ITGA1: variants seen among roughly 807,000 people sequenced by gnomAD.
ITGA1 encodes the protein integrin alpha-1.
A neutral mutation model predicts 145.9 loss-of-function variants in ITGA1; 85 were observed. That is an observed-to-expected ratio of 0.58 (90% CI 0.49 to 0.70). The LOEUF is 0.70. Among genes scored for constraint, ITGA1 ranks in the 30% least tolerant of loss-of-function variants. ITGA1 has a pLI of 0.00. For missense variants in ITGA1, 1,351 were observed against 1,418.7 expected, an observed-to-expected ratio of 0.95 and a Z score of 0.77; for synonymous variants, 520 against 495.3, an observed-to-expected ratio of 1.05 and a Z score of -0.66.
intron 1 of ITGA1, among the ~76,000 whole-genome samples, chr5:52,836,567 C>G (rs1749165951): frequency 6.6e-6 from 1 of 152,094 alleles, no homozygotes; most frequent in African/African-American, 2.4e-5. Flanking sequence ...TCACCCTTGG[C>G]CAGATTTCCG....
At chr5:52,910,632 GTATA>G (rs1579713145) in intron 14 of ITGA1, among the ~76,000 whole-genome samples, 1 of 146,888 alleles carries the variant, frequency 6.8e-6, no homozygotes, top group African/African-American at 2.5e-5. Flanking sequence ...TATGTATATA[GTATA>G]TATAGTGTAT....
intron 19 of ITGA1, among the ~76,000 whole-genome samples, chr5:52,925,717 A>T (rs147150452): frequency 2.6e-3 from 389 of 152,340 alleles, no homozygotes; most frequent in Admixed American, 3.6e-3. Flanking sequence ...AGGATAGCTC[A>T]TGTATAAAAA....
intron 28 of ITGA1, among the ~76,000 whole-genome samples, chr5:52,950,348 A>G (rs1579737825): frequency 6.6e-6 from 1 of 152,160 alleles, no homozygotes; most frequent in Admixed American, 6.5e-5. Flanking sequence ...GTGGGTGTGG[A>G]TGGGGACTGG....
chr5:52,888,080 A>G, intron 8 of ITGA1, 115 bp downstream of exon 8: 1 of 1,076,862 alleles, frequency 9.3e-7, no homozygotes, highest in Middle Eastern at 3.1e-4. Flanking sequence ...AAAGGTCTCC[A>G]TTTGAAGGTA....
At chr5:52,861,601 T>G in intron 3 of ITGA1, 42 bp downstream of exon 3, 1 of 1,162,528 alleles carries the variant, frequency 8.6e-7, no homozygotes, top group Non-Finnish European at 1.3e-6. Flanking sequence ...CCAGGTGCGG[T>G]GAGTCACGCC....
At chr5:52,853,529 T>C (rs1405388497) in intron 2 of ITGA1, among the ~76,000 whole-genome samples, 2 of 152,208 alleles carry the variant, frequency 1.3e-5, no homozygotes. Flanking sequence ...GTCGTGACTA[T>C]AGTACGCCTA....
chr5:52,923,361 G>A lies in ITGA1; in HGVS notation c.2403+474G>A, dbSNP rs1750757340. 2.0e-5 allele frequency among the ~76,000 whole-genome samples: 3 copies of A among 151,962 alleles called. No homozygotes were observed. The South Asian group carries it at 6.2e-4, about 32-fold the overall frequency. ...ATCTTCCTCTGGTAATTGGCAAAGG[G>A]TCCTGAAGCTCCCAGGCCGTCTATA... On this transcript the variant is annotated intron_variant, in intron 18 of 28. Transcript: ENST00000282588.
At chr5:52,805,720 T>A (rs1463865709) in intron 1 of ITGA1, among the ~76,000 whole-genome samples, 1 of 152,104 alleles carries the variant, frequency 6.6e-6, no homozygotes, top group African/African-American at 2.4e-5. Context: ...GCCAATCAGT[T>A]ACTGCTAGCG....
At chr5:52,930,213 T>C (rs987114420) in intron 21 of ITGA1, among the ~76,000 whole-genome samples, 5 of 152,156 alleles carry the variant, frequency 3.3e-5, no homozygotes, top group Admixed American at 6.6e-5. Context: ...TTCTTCTAAT[T>C]GTAATTATCC....
chr5:52,817,287 G>A (rs954023911), intron 1 of ITGA1, among the ~76,000 whole-genome samples: 1 of 152,122 alleles, frequency 6.6e-6, no homozygotes, highest in African/African-American at 2.4e-5. Context: ...ACTAGGTCCT[G>A]GATTCTACAA....
rs137992083 is a variant in ITGA1 at position 52,798,739 on chromosome 5, G to T, written c.61+10325G>T. On this transcript the variant is annotated intron_variant, in intron 1 of 28. Transcript: ENST00000282588. ...AATCAGATATGCATTTGTGTCAGGA[G>T]GGCAGAGGGGTGACTGTACCTGAAA... is the stretch of plus-strand genomic sequence containing the variant. Among the ~76,000 whole-genome samples the T allele has an allele frequency of 5.1e-3, 778 of 152,256 alleles. 6 individuals carry two copies. Among genetic ancestry groups the T allele is most frequent in the African/African-American group, 0.018 (750 of 41,550 alleles).
In ITGA1 at chr5:52,852,789, A is replaced by C. The variant is rs182433330; in HGVS notation, c.182+3304A>C. Among the ~76,000 whole-genome samples the C allele has an allele frequency of 5.6e-4, 86 of 152,276 alleles. 1 individual carries two copies. The highest frequency in any genetic ancestry group is 2.0e-3 in the African/African-American group (85 of 41,548). ...TACCCCACATCTAGCATGAGGCCTT[A>C]TACATAATATGCACTCAATCATTAT... is the stretch of plus-strand genomic sequence containing the variant. On this transcript the variant is annotated intron_variant, in intron 2 of 28. Coordinates refer to ENST00000282588, the MANE Select transcript of ITGA1 (RefSeq NM_181501.2).
chr5:52,862,007 C>T (rs936424415), intron 3 of ITGA1, among the ~76,000 whole-genome samples: 1 of 151,936 alleles, frequency 6.6e-6, no homozygotes, highest in South Asian at 2.1e-4. Flanking sequence ...CACCTGAGGT[C>T]GGGAGTTCGA....
At chr5:52,800,545 T>C (rs768714228) in intron 1 of ITGA1, 3 of 1,613,798 alleles carry the variant, frequency 1.9e-6, no homozygotes, top group Non-Finnish European at 2.5e-6. Context: ...ACAGACAGAG[T>C]CCTCCACGGG....
At chr5:52,832,196 T>C (rs745949676) in intron 1 of ITGA1, among the ~76,000 whole-genome samples, 48 of 152,052 alleles carry the variant, frequency 3.2e-4, no homozygotes, top group Non-Finnish European at 5.6e-4. Context: ...TCCATGGATC[T>C]CTCCACCAAG....
rs1451661214 is a variant in ITGA1 at position 52,957,444 on chromosome 5, A to T, written c.*4993A>T. Reference sequence around the variant, plus strand: ...TTGGACTCCTTGCTTTGAGATCGGTATTTTTTTCTCTCTCTTTACATATAG... The same window carrying T: ...TTGGACTCCTTGCTTTGAGATCGGTTTTTTTTTCTCTCTCTTTACATATAG... On this transcript the variant is annotated 3_prime_UTR_variant, in exon 29 of 29. Transcript: ENST00000282588. The T allele has an allele frequency of 6.6e-6, 1 of 152,088 alleles. No individual in the cohort carries two copies. Among genetic ancestry groups the T allele is most frequent in the Non-Finnish European group, 1.5e-5 (1 of 68,012 alleles). 9.4% of individuals were successfully genotyped at this position (152,088 alleles called of 1,614,324 possible).
intron 1 of ITGA1, among the ~76,000 whole-genome samples, chr5:52,805,588 C>T (rs986102859): frequency 1.3e-5 from 2 of 151,862 alleles, no homozygotes; most frequent in African/African-American, 4.8e-5. Flanking sequence ...GATGATGACA[C>T]AAAATGTAAC....
intron 21 of ITGA1, among the ~76,000 whole-genome samples, chr5:52,930,705 G>A (rs1273690194): frequency 6.6e-6 from 1 of 152,114 alleles, no homozygotes; most frequent in Non-Finnish European, 1.5e-5. Context: ...AATAGCACCA[G>A]GTGGAGCATT....
chr5:52,869,403 C>T (rs1011986967), intron 6 of ITGA1, among the ~76,000 whole-genome samples: 17 of 152,138 alleles, frequency 1.1e-4, no homozygotes, highest in African/African-American at 3.1e-4. Context: ...ACAGATGATC[C>T]GCCTGCCTCG....
Sources: allele counts gnomAD v4.1 joint callset (sites outside exome capture counted in the v4.1 genomes callset), GRCh38; gene constraint gnomAD v4.1.1; transcripts MANE v1.5; gene names NCBI Gene and HGNC (gene_info 2026-07-23, HGNC 2026-07-21).